The following RBMS3 variants were observed in gnomAD, a reference collection of about 807,000 sequenced individuals.
RBMS3 encodes RNA-binding motif, single-stranded-interacting protein 3.
Under a neutral mutation model 66.8 loss-of-function variants are expected in RBMS3, and 27 were observed. That is an observed-to-expected ratio of 0.40 (90% CI 0.30 to 0.56). The LOEUF (loss-of-function observed/expected upper bound fraction) is 0.56. RBMS3 is among the 20% of genes least tolerant of loss of function. RBMS3 has a pLI of 0.40. For missense variants in RBMS3, 513 were observed against 549.5 expected (o/e 0.93, Z 0.66); for synonymous variants, 188 against 183.0 (o/e 1.03, Z -0.22).
chr3:29,898,377 G>A (rs1436392464), intron 9 of RBMS3, among the ~76,000 whole-genome samples: 1 of 151,532 alleles, frequency 6.6e-6, no homozygotes, highest in African/African-American at 2.4e-5. Context: ...CAGCTGGTGG[G>A]GGTGGATGTT....
In RBMS3 at chr3:30,004,359, T is replaced by C. The variant is rs1182896100; in HGVS notation, c.*497T>C. 6.6e-6 allele frequency: 1 copy of C among 152,178 alleles called. No homozygotes were observed. Among genetic ancestry groups the C allele is most frequent in the Non-Finnish European group, 1.5e-5 (1 of 67,836 alleles). 9.4% of individuals were successfully genotyped at this position (152,178 alleles called of 1,614,324 possible). ...TTTATTTTATTTTTTCTTAGAAATA[T>C]GTAGGTAAGGTTTATCTTGAATCTT... is the stretch of plus-strand genomic sequence containing the variant. On this transcript the variant is annotated 3_prime_UTR_variant, in exon 15 of 15. Coordinates refer to ENST00000383767, the MANE Select transcript of RBMS3 (RefSeq NM_001003793.3).
At chr3:29,999,802 A>G (rs1433782139) in intron 14 of RBMS3, among the ~76,000 whole-genome samples, 2 of 152,108 alleles carry the variant, frequency 1.3e-5, no homozygotes, top group African/African-American at 4.8e-5. Flanking sequence ...AGATATACCT[A>G]ATGCTAAATG....
rs188293583 is a variant in RBMS3 at position 29,596,602 on chromosome 3, G to A, written c.399+9397G>A. 2.2e-4 allele frequency among the ~76,000 whole-genome samples: 34 copies of A among 152,322 alleles called. 1 individual carries two copies. In the East Asian group the frequency reaches 6.4e-3, roughly 29 times the overall value. Reference sequence around the variant, plus strand: ...ATAGGAGATGTCCCACATTCACTAAGATAGTCAAGTGGTCTTGAACCCAAG... The same window carrying A: ...ATAGGAGATGTCCCACATTCACTAAAATAGTCAAGTGGTCTTGAACCCAAG... On this transcript the variant is annotated intron_variant, in intron 4 of 14. Transcript: ENST00000383767.
intron 1 of RBMS3, among the ~76,000 whole-genome samples, chr3:29,403,767 A>G (rs532201582): frequency 6.6e-6 from 1 of 152,258 alleles, no homozygotes; most frequent in Admixed American, 6.5e-5. Flanking sequence ...ATTTCTATTA[A>G]TAAAAAAGAA....
At chr3:29,894,803 G>A (rs2060087884) in intron 8 of RBMS3, among the ~76,000 whole-genome samples, 1 of 151,568 alleles carries the variant, frequency 6.6e-6, no homozygotes, top group African/African-American at 2.4e-5. Flanking sequence ...TGCTAATTTA[G>A]CTACAATCCT....
In RBMS3 at chr3:29,330,719, C is replaced by T. The variant is rs76302009; in HGVS notation, c.75+48963C>T. The stretch of plus-strand genomic sequence containing the variant: ...TCCCCTGCTAACTCATTCCTCCCTG[C>T]TCACCCTGTGAAATGCTTCTAGAGG... On this transcript the variant is annotated intron_variant, in intron 1 of 14. Coordinates refer to ENST00000383767, the MANE Select transcript of RBMS3 (RefSeq NM_001003793.3). Among the ~76,000 whole-genome samples the T allele has an allele frequency of 2.6e-3, 402 of 152,254 alleles. 14 individuals are homozygous for T. The East Asian group carries it at 0.068, about 26-fold the overall frequency.
chr3:29,738,203 T>C (rs2054466339), intron 4 of RBMS3, among the ~76,000 whole-genome samples: 1 of 152,174 alleles, frequency 6.6e-6, no homozygotes, highest in East Asian at 1.9e-4. Flanking sequence ...ACTTGTTTAT[T>C]GTTTTTAAAA....
At chr3:29,800,871 C>A (rs1375998847) in intron 6 of RBMS3, among the ~76,000 whole-genome samples, 3 of 151,974 alleles carry the variant, frequency 2.0e-5, no homozygotes, top group African/African-American at 7.2e-5. Flanking sequence ...CAAATTTTCC[C>A]AGTTCATGTG....
rs111758065 is a variant in RBMS3 at position 29,671,578 on chromosome 3, A to G, written c.400-68142A>G. On this transcript the variant is annotated intron_variant, in intron 4 of 14. Coordinates refer to ENST00000383767, the MANE Select transcript of RBMS3 (RefSeq NM_001003793.3). ...GCTAACTAGAATAAACAGCATAGAG[A>G]AGACCTTAAATGACCTGACAGAGTT... 8.7e-3 allele frequency among the ~76,000 whole-genome samples: 1,322 copies of G among 152,332 alleles called. 22 individuals are homozygous for G. The highest frequency in any genetic ancestry group is 0.03 in the African/African-American group (1,257 of 41,574).
chr3:29,647,488 T>C (rs1011490604), intron 4 of RBMS3, among the ~76,000 whole-genome samples: 1 of 152,262 alleles, frequency 6.6e-6, no homozygotes, highest in African/African-American at 2.4e-5. Context: ...AATGTTCCAT[T>C]GTCATGTTTC....
At chr3:29,391,012 T>C (rs1559542336) in intron 1 of RBMS3, 1 of 381,274 alleles carries the variant, frequency 2.6e-6, no homozygotes, top group African/African-American at 2.0e-5. Flanking sequence ...CATTCAACTG[T>C]AATGAGCTTT....
At chr3:29,742,075 C>T (rs2054673047) in intron 5 of RBMS3, among the ~76,000 whole-genome samples, 1 of 152,172 alleles carries the variant, frequency 6.6e-6, no homozygotes, top group Non-Finnish European at 1.5e-5. Flanking sequence ...ATTCATTTCT[C>T]TCCCATTTAT....
chr3:29,533,912 T>G (rs1312880690), intron 3 of RBMS3, among the ~76,000 whole-genome samples: 1 of 152,254 alleles, frequency 6.6e-6, no homozygotes, highest in Non-Finnish European at 1.5e-5. Flanking sequence ...GCCAAGTAAG[T>G]ATTCACCAAG....
intron 1 of RBMS3, among the ~76,000 whole-genome samples, chr3:29,352,657 A>G (rs2036983193): frequency 6.6e-6 from 1 of 151,960 alleles, no homozygotes; most frequent in African/African-American, 2.4e-5. Context: ...TAGTCACTCT[A>G]TTCTGCTGTT....
chr3:29,761,361 TAAAC>T (rs2149381201), intron 5 of RBMS3, among the ~76,000 whole-genome samples: 1 of 152,254 alleles, frequency 6.6e-6, no homozygotes, highest in South Asian at 2.1e-4. Context: ...TCAAACTTGT[TAAAC>T]AAGTGATACA....
At chr3:29,517,947 C>T (rs1385936280) in intron 3 of RBMS3, among the ~76,000 whole-genome samples, 2 of 152,260 alleles carry the variant, frequency 1.3e-5, no homozygotes, top group South Asian at 2.1e-4. Flanking sequence ...CCTTTTTCTT[C>T]CCCCTAAATA....
chr3:29,489,683 G>T (rs538763746), intron 3 of RBMS3, among the ~76,000 whole-genome samples: 1 of 150,324 alleles, frequency 6.7e-6, no homozygotes, highest in African/African-American at 2.5e-5. Flanking sequence ...GCTTGGGACA[G>T]GTGGATGTTC....
chr3:29,460,319 ATGTT>A (rs1266087906), intron 2 of RBMS3, among the ~76,000 whole-genome samples: 3 of 152,192 alleles, frequency 2.0e-5, no homozygotes, highest in African/African-American at 7.2e-5. Flanking sequence ...AAAATACAAA[ATGTT>A]TGTGTGTTTT....
intron 3 of RBMS3, among the ~76,000 whole-genome samples, chr3:29,564,450 C>A (rs567584693): frequency 6.7e-6 from 1 of 149,466 alleles, no homozygotes; most frequent in African/African-American, 2.5e-5. Flanking sequence ...CGTGCTATTG[C>A]GCTCCAGCCT....
Sources: gnomAD v4.1 joint callset for allele counts (sites outside exome capture counted in the v4.1 genomes callset) on GRCh38, gnomAD v4.1.1 for gene constraint, MANE v1.5 for transcripts, NCBI Gene and HGNC (gene_info 2026-07-23, HGNC 2026-07-21) for gene names.